TMEM170A: variants seen among roughly 807,000 people sequenced by gnomAD.
TMEM170A encodes the protein transmembrane protein 170.
Under a neutral mutation model 12.8 loss-of-function variants are expected in TMEM170A, and 18 were observed. The observed-to-expected ratio is 1.41, with a 90% CI of 0.97 to 2.09. The LOEUF (loss-of-function observed/expected upper bound fraction) is 2.09, where lower values mean the gene tolerates loss of function less well. Ranked by LOEUF, TMEM170A falls within the 30% of genes most tolerant of loss-of-function variation. The pLI is 0.00. For missense variants in TMEM170A, 220 were observed against 179.9 expected (o/e 1.22, Z -1.28); for synonymous variants, 107 against 76.2 (o/e 1.40, Z -2.11).
At chr16:75,453,262 T>A (rs1205161425) in intron 1 of TMEM170A, among the ~76,000 whole-genome samples, 1 of 152,128 alleles carries the variant, frequency 6.6e-6, no homozygotes, top group Non-Finnish European at 1.5e-5. Context: ...AGCGAAACCC[T>A]GTCTCTACAA....
intron 1 of TMEM170A, among the ~76,000 whole-genome samples, chr16:75,462,681 A>G (rs1168189581): frequency 2.0e-5 from 3 of 152,242 alleles, no homozygotes; most frequent in African/African-American, 7.2e-5. Context: ...TGTCCATCTT[A>G]AAAAATTCAA....
At position 75,444,708 on chromosome 16, in the gene TMEM170A, C is replaced by A. The variant is rs1374630235; in HGVS notation, c.*2850G>T. ...CTACACCGCTCAAGCTATTTAAAAT[C>A]TATATATATATATAGATTTATTCAC... On this transcript the variant is annotated 3_prime_UTR_variant, in exon 3 of 3. Transcript: ENST00000561878. 6.6e-6 allele frequency: 1 copy of A among 150,920 alleles called. No homozygotes were observed. Among genetic ancestry groups the A allele is most frequent in the Non-Finnish European group, 1.5e-5 (1 of 67,718 alleles). 9.3% of individuals were successfully genotyped at this position (150,920 alleles called of 1,614,324 possible). A position where few individuals can be genotyped will look rare whatever the true frequency, so the allele number is the denominator to read the frequency against.
chr16:75,450,554 C>G (rs986561039), intron 2 of TMEM170A, among the ~76,000 whole-genome samples: 3 of 152,140 alleles, frequency 2.0e-5, no homozygotes. Flanking sequence ...GCCCCAAAAA[C>G]AAGCCTGAAA....
intron 1 of TMEM170A, among the ~76,000 whole-genome samples, chr16:75,463,394 G>T (rs576264145): frequency 6.6e-6 from 1 of 152,046 alleles, no homozygotes; most frequent in African/African-American, 2.4e-5. Flanking sequence ...ATCTGCATCT[G>T]ACCCCAACCT....
At chr16:75,464,147 T>C (rs1460001195) in intron 1 of TMEM170A, 8 of 1,366,908 alleles carry the variant, frequency 5.9e-6, no homozygotes, top group Non-Finnish European at 7.9e-6. Context: ...GCTCGTGGGG[T>C]GCAGCTCTGA....
At chr16:75,452,352 T>C (rs1414445829) in intron 1 of TMEM170A, among the ~76,000 whole-genome samples, 1 of 152,010 alleles carries the variant, frequency 6.6e-6, no homozygotes, top group Non-Finnish European at 1.5e-5. Context: ...CACTGCAGCC[T>C]TGACCTCCTA....
Position 75,447,567 on chromosome 16 carries a change from A to G in TMEM170A, c.426T>C (p.Ala142=), listed in dbSNP as rs1232690055. 1.2e-6 allele frequency: 2 copies of G among 1,613,126 alleles called. No homozygotes were observed. The highest frequency in any genetic ancestry group is 3.3e-4 in the Middle Eastern group (2 of 6,056). ...AGCATAAGGATGTATGCTATAGAGTAGCTAAAATCCGTAAAAAGGAGACCA... is the reference window on the plus strand; with the variant it reads ...AGCATAAGGATGTATGCTATAGAGTGGCTAAAATCCGTAAAAAGGAGACCA... ...VLVVSFLRIL[A]TL is the part of the protein sequence containing the mutation. Residue 142 remains alanine (A), a synonymous_variant, in exon 3 of 3, where the codon GCT becomes GCC. Transcript: ENST00000561878.
chr16:75,464,586 C>T lies in TMEM170A; in HGVS notation c.15G>A (p.Gly5=), dbSNP rs768908157. 5.3e-5 allele frequency: 84 copies of T among 1,585,894 alleles called. No individual in the cohort carries two copies. The highest frequency in any genetic ancestry group is 1.7e-4 in the Middle Eastern group (1 of 5,974). Residue 5 remains glycine (G), a synonymous_variant, in exon 1 of 3, where the codon GGG becomes GGA. Transcript: ENST00000561878. The part of the protein sequence containing the change: MERE[G]SGGSGGSAGL... ...CGGCCGACCCGCCGCTGCCGCCGCT[C>T]CCCTCGCGCTCCATCCCGTCGCCAT...
chr16:75,459,468 C>A (rs1355868858), intron 1 of TMEM170A, among the ~76,000 whole-genome samples: 1 of 152,204 alleles, frequency 6.6e-6, no homozygotes, highest in African/African-American at 2.4e-5. Flanking sequence ...CCACTCTCAT[C>A]TTGTGTTTCA....
Position 75,447,501 on chromosome 16 carries a change from A to G in TMEM170A, c.*57T>C. 1 of 1,554,608 alleles carries G rather than the reference A, an allele frequency of 6.4e-7. No homozygotes were observed. The highest frequency in any genetic ancestry group is 8.7e-7 in the Non-Finnish European group (1 of 1,152,880). On this transcript the variant is annotated 3_prime_UTR_variant, in exon 3 of 3. Transcript: ENST00000561878. ...AAGAAAACACTACACTCCATAATGT[A>G]TTCTTTTGGAGGATTCCATAAAGTT...
At chr16:75,456,988 G>C (rs1160526857) in intron 1 of TMEM170A, among the ~76,000 whole-genome samples, 2 of 152,164 alleles carry the variant, frequency 1.3e-5, no homozygotes, top group Non-Finnish European at 2.9e-5. Context: ...CCAACACCTA[G>C]TCTACAGAAA....
chr16:75,447,765 A>G, intron 2 of TMEM170A, 77 bp from the exon 3 acceptor site: 2 of 1,447,182 alleles, frequency 1.4e-6, no homozygotes, highest in Non-Finnish European at 1.9e-6. Context: ...AACATTTAAA[A>G]TACTACTGCG....
chr16:75,455,401 G>A (rs936163075), intron 1 of TMEM170A, among the ~76,000 whole-genome samples: 7 of 150,136 alleles, frequency 4.7e-5, no homozygotes, highest in Non-Finnish European at 4.4e-5. Flanking sequence ...TACTGAAGGG[G>A]CAAGATGCCC....
intron 1 of TMEM170A, among the ~76,000 whole-genome samples, chr16:75,452,366 C>T (rs1165846956): frequency 2.0e-5 from 3 of 152,194 alleles, no homozygotes; most frequent in Non-Finnish European, 4.4e-5. Flanking sequence ...CCTCCTAGGT[C>T]TGGGTGTTCT....
rs199965238 is a variant in TMEM170A at position 75,464,628 on chromosome 16, A to C, written c.-28T>G. On this transcript the variant is annotated 5_prime_UTR_variant, in exon 1 of 3. Transcript: ENST00000561878. Reference sequence around the variant, plus strand: ...CGTCGCCATTCACCACAGAGAAATGAGGGACGAGCGCCCGAAGTGCGGTAG... The same window carrying C: ...CGTCGCCATTCACCACAGAGAAATGCGGGACGAGCGCCCGAAGTGCGGTAG... 1 of 1,561,704 alleles carries C rather than the reference A, an allele frequency of 6.4e-7. No individual in the cohort carries two copies. Among genetic ancestry groups the C allele is most frequent in the African/African-American group, 1.4e-5 (1 of 70,668 alleles).
rs13336613 is a variant in TMEM170A, at chr16:75,454,863, C to T, written c.134-3024G>A. Among the ~76,000 whole-genome samples, 828 of 152,252 alleles carry T rather than the reference C, an allele frequency of 5.4e-3. 4 individuals carry two copies. The highest frequency in any genetic ancestry group is 0.019 in the African/African-American group (784 of 41,542). On this transcript the variant is annotated intron_variant, in intron 1 of 2. Transcript: ENST00000561878. ...CAGGGTAATTTGGAAGTCAAATGTG[C>T]ATGGCCCTTGCTGCAACAATTTTAC...
chr16:75,449,700 T>C (rs1382549807), intron 2 of TMEM170A, among the ~76,000 whole-genome samples: 10 of 152,192 alleles, frequency 6.6e-5, no homozygotes, highest in African/African-American at 9.7e-5. Context: ...TTGGCTGCCT[T>C]GAACATTTAG....
At position 75,461,555 on chromosome 16, in the gene TMEM170A, A is replaced by T. The variant is rs78145232; in HGVS notation, c.133+2913T>A. Among the ~76,000 whole-genome samples the T allele has an allele frequency of 4.1e-4, 63 of 152,360 alleles. 2 individuals are homozygous for T. In the East Asian group the frequency reaches 0.012, roughly 29 times the overall value. ...TGGGGCCAAAATATCAATACAACAG[A>T]TTCAGGACAATGAATGCAACTCCTG... On this transcript the variant is annotated intron_variant, in intron 1 of 2. Coordinates refer to ENST00000561878, the MANE Select transcript of TMEM170A (RefSeq NM_145254.3).
chr16:75,464,131 T>C (rs1319752239), intron 1 of TMEM170A: 8 of 1,288,618 alleles, frequency 6.2e-6, no homozygotes, highest in Non-Finnish European at 8.5e-6. Context: ...GACCACAGCC[T>C]CCCGGGCTCG....
Sources: gnomAD v4.1 joint callset for allele counts (sites outside exome capture counted in the v4.1 genomes callset) on GRCh38, gnomAD v4.1.1 for gene constraint, MANE v1.5 for transcripts, NCBI Gene and HGNC (gene_info 2026-07-23, HGNC 2026-07-21) for gene names.